SMG5: variants seen among roughly 807,000 people sequenced by gnomAD.
SMG5 encodes nonsense-mediated mRNA decay factor SMG5.
A neutral mutation model predicts 122.9 loss-of-function variants in SMG5; 53 were observed. The observed-to-expected ratio is 0.43, with a 90% CI of 0.35 to 0.54. The LOEUF is 0.54. Ranked by LOEUF, SMG5 falls within the 20% of genes least tolerant of loss-of-function variation. SMG5 has a pLI of 0.01. For missense variants in SMG5, 1,153 were observed against 1,285.6 expected, an observed-to-expected ratio of 0.90 and a Z score of 1.58; for synonymous variants, 477 against 490.2, an observed-to-expected ratio of 0.97 and a Z score of 0.35.
upstream of SMG5, chr1:156,282,995 T>A (rs573072946): frequency 2.0e-6 from 1 of 505,488 alleles, no homozygotes; most frequent in East Asian, 3.2e-5. Context: ...CGAAAAACTT[T>A]ATTGGCAAAG....
At chr1:156,268,686 T>C (rs1351015464) in intron 7 of SMG5, among the ~76,000 whole-genome samples, 1 of 152,214 alleles carries the variant, frequency 6.6e-6, no homozygotes, top group East Asian at 1.9e-4. Flanking sequence ...ACTTAGTTAT[T>C]ACCATCCCTG....
At chr1:156,259,669 C>T (rs1405281343) in intron 15 of SMG5, among the ~76,000 whole-genome samples, 1 of 152,092 alleles carries the variant, frequency 6.6e-6, no homozygotes, top group African/African-American at 2.4e-5. Flanking sequence ...GCTGGGACTA[C>T]AGGTGCGCAC....
At chr1:156,269,648 G>A (rs1358438339) in intron 7 of SMG5, among the ~76,000 whole-genome samples, 1 of 152,154 alleles carries the variant, frequency 6.6e-6, no homozygotes, top group Non-Finnish European at 1.5e-5. Context: ...GGCCAAGGCA[G>A]GTGGATCACG....
At chr1:156,278,882 G>A in intron 2 of SMG5, 54 bp downstream of exon 2, 14 of 1,449,958 alleles carry the variant, frequency 9.7e-6, no homozygotes, top group Non-Finnish European at 1.3e-5. Context: ...AAGGTTTCTG[G>A]TAGAGATAGG....
At chr1:156,255,046 G>C (rs1399972326) in intron 16 of SMG5, among the ~76,000 whole-genome samples, 1 of 151,850 alleles carries the variant, frequency 6.6e-6, no homozygotes, top group Non-Finnish European at 1.5e-5. Context: ...AGCCGAGATA[G>C]AGCCACTGTA....
At chr1:156,272,503 G>C in intron 6 of SMG5, 105 bp from the exon 7 acceptor site, 1 of 872,830 alleles carries the variant, frequency 1.1e-6, no homozygotes, top group Admixed American at 2.1e-5. Flanking sequence ...AGAACAGCTG[G>C]GTCTGCAGGC....
chr1:156,258,648 T>C (rs552483651), intron 16 of SMG5, among the ~76,000 whole-genome samples: 7 of 152,130 alleles, frequency 4.6e-5, no homozygotes, highest in African/African-American at 1.7e-4. Flanking sequence ...ATACAAAAAT[T>C]AGCTGGGCGT....
rs7530288 is a variant in SMG5 at position 156,267,711 on chromosome 1, G to A, written c.909-33C>T. On this transcript the variant is annotated intron_variant, in intron 9 of 21. Transcript: ENST00000361813. The stretch of plus-strand genomic sequence containing the variant: ...GGGGCAGGAGTAACAGGGGAGGTCA[G>A]TGGTGGGGGCTGGGGAAGGAGAAGA... 2.6e-6 allele frequency: 4 copies of A among 1,563,134 alleles called. No individual in the cohort carries two copies. The African/African-American group carries it at 4.1e-5, about 16-fold the overall frequency.
intron 6 of SMG5, 118 bp downstream of exon 6, chr1:156,273,243 G>C: frequency 1.3e-6 from 1 of 782,584 alleles, no homozygotes; most frequent in South Asian, 1.4e-5. Context: ...AAGTACGAGA[G>C]AGCTGAGAAT....
rs1661761739 is a variant in SMG5, at chr1:156,260,371, C to G, written c.2283+80G>C. 2.0e-6 allele frequency: 3 copies of G among 1,505,564 alleles called. No homozygotes were observed. The African/African-American group carries it at 4.3e-5, about 22-fold the overall frequency. 93.3% of individuals were successfully genotyped at this position (1,505,564 alleles called of 1,614,324 possible). A position where few individuals can be genotyped will look rare whatever the true frequency, so the allele number is the denominator to read the frequency against. On this transcript the variant is annotated intron_variant, in intron 15 of 21. Coordinates refer to ENST00000361813, the MANE Select transcript of SMG5 (RefSeq NM_015327.3). ...TGAGTGGAAGAGGGCATCCTGCCCC[C>G]TCCCTCCCCAGATCTGAACCCATTT...
upstream of SMG5, chr1:156,285,787 G>C (rs958121045): frequency 1.2e-6 from 2 of 1,613,498 alleles, no homozygotes; most frequent in Non-Finnish European, 1.7e-6. Context: ...GTTCCTGTGG[G>C]GGCTGCGGGA....
chr1:156,265,434 G>T lies in SMG5; in HGVS notation c.1855+347C>A, dbSNP rs917827635. Reference sequence around the variant, plus strand: ...GTCTCACTCTAATGCACCTGCGCTGGTGGGTACCAGTTTTTCTAGCTTCCA... The same window carrying T: ...GTCTCACTCTAATGCACCTGCGCTGTTGGGTACCAGTTTTTCTAGCTTCCA... On this transcript the variant is annotated intron_variant, in intron 12 of 21. Coordinates refer to ENST00000361813, the MANE Select transcript of SMG5 (RefSeq NM_015327.3). Among the ~76,000 whole-genome samples, 3 of 152,190 alleles carry T rather than the reference G, an allele frequency of 2.0e-5. 1 individual carries two copies. Among genetic ancestry groups the T allele is most frequent in the Admixed American group, 6.5e-5 (1 of 15,288 alleles).
chr1:156,265,088 T>C (rs1253310539), intron 12 of SMG5, among the ~76,000 whole-genome samples: 2 of 140,376 alleles, frequency 1.4e-5, no homozygotes, highest in Non-Finnish European at 3.0e-5. Context: ...CCGGGCATGG[T>C]AGTGCATGCC....
At chr1:156,255,075 A>G (rs540240196) in intron 16 of SMG5, among the ~76,000 whole-genome samples, 3 of 151,786 alleles carry the variant, frequency 2.0e-5, no homozygotes, top group East Asian at 3.9e-4. Context: ...TGGGTGACAG[A>G]GCAAGACTCC....
intron 20 of SMG5, 24 bp downstream of exon 20, chr1:156,251,379 T>C: frequency 6.2e-7 from 1 of 1,613,822 alleles, no homozygotes; most frequent in Non-Finnish European, 8.5e-7. Context: ...CCTGAGGTTC[T>C]AGGGGTGAGG....
chr1:156,256,233 G>A (rs764845428), intron 16 of SMG5, among the ~76,000 whole-genome samples: 3 of 151,454 alleles, frequency 2.0e-5, no homozygotes, highest in Non-Finnish European at 2.9e-5. Flanking sequence ...TGCCAAGAGT[G>A]TCCCCTTGAG....
chr1:156,274,538 A>G (rs1662590641), intron 5 of SMG5, 59 bp downstream of exon 5: 5 of 1,499,648 alleles, frequency 3.3e-6, no homozygotes, highest in African/African-American at 1.4e-5. Context: ...CAACAACTGA[A>G]GCAGCCTGGG....
At chr1:156,267,969 T>C in intron 9 of SMG5, 146 bp downstream of exon 9, 1 of 875,384 alleles carries the variant, frequency 1.1e-6, no homozygotes. Flanking sequence ...GGAGAAACAG[T>C]GAGGAATGCC....
chr1:156,263,248 C>T (rs1558236955), intron 13 of SMG5, 147 bp downstream of exon 13: 13 of 897,782 alleles, frequency 1.4e-5, no homozygotes, highest in Non-Finnish European at 2.2e-5. Context: ...CCTGTCAGAG[C>T]ATAAGGGCCC....
Sources: gnomAD v4.1 joint callset for allele counts (sites outside exome capture counted in the v4.1 genomes callset) on GRCh38, gnomAD v4.1.1 for gene constraint, MANE v1.5 for transcripts, NCBI Gene and HGNC (gene_info 2026-07-23, HGNC 2026-07-21) for gene names.